The following KCND2 variants were observed in gnomAD, a reference collection of about 807,000 sequenced individuals.
KCND2 encodes the protein A-type voltage-gated potassium channel KCND2.
In KCND2, 16 loss-of-function variants were observed where a neutral mutation model predicts 54.4. The ratio of observed to expected loss-of-function variants is 0.29; its 90% CI spans 0.20 to 0.45. The LOEUF is 0.45. KCND2 is among the 20% of genes least tolerant of loss of function. KCND2 has a pLI of 1.00. For synonymous variants in KCND2, 317 were observed against 310.7 expected (o/e 1.02, Z -0.21); for missense variants, 486 against 824.2 (o/e 0.59, Z 5.02).
At chr7:120,675,776 A>G (rs561919570) in intron 1 of KCND2, among the ~76,000 whole-genome samples, 2 of 151,684 alleles carry the variant, frequency 1.3e-5, no homozygotes, top group African/African-American at 2.4e-5. Flanking sequence ...TTATCATAGT[A>G]TTATAATGAG....
intron 1 of KCND2, among the ~76,000 whole-genome samples, chr7:120,576,611 T>G (rs1398496128): frequency 6.6e-6 from 1 of 152,164 alleles, no homozygotes; most frequent in Non-Finnish European, 1.5e-5. Context: ...CTAACCAAAA[T>G]TGAGTACTAT....
intron 1 of KCND2, among the ~76,000 whole-genome samples, chr7:120,412,311 G>A (rs1801462336): frequency 1.3e-5 from 2 of 151,958 alleles, no homozygotes; most frequent in African/African-American, 4.8e-5. Context: ...TTATGATTGG[G>A]TTATTCTCAA....
intron 1 of KCND2, among the ~76,000 whole-genome samples, chr7:120,441,290 A>G (rs991869742): frequency 3.3e-5 from 5 of 152,104 alleles, no homozygotes; most frequent in African/African-American, 1.2e-4. Context: ...AAACAAGCCT[A>G]TAGGTTATTG....
chr7:120,617,414 A>G (rs1793040116), intron 1 of KCND2, among the ~76,000 whole-genome samples: 1 of 152,242 alleles, frequency 6.6e-6, no homozygotes, highest in Non-Finnish European at 1.5e-5. Context: ...TAATCATTAG[A>G]GAAATGCAAA....
intron 1 of KCND2, among the ~76,000 whole-genome samples, chr7:120,461,100 A>G (rs1222469112): frequency 6.6e-6 from 1 of 152,146 alleles, no homozygotes; most frequent in Non-Finnish European, 1.5e-5. Context: ...TGTGCTGCCT[A>G]TTGTTAAACA....
At chr7:120,617,035 A>G (rs1427886250) in intron 1 of KCND2, among the ~76,000 whole-genome samples, 1 of 152,210 alleles carries the variant, frequency 6.6e-6, no homozygotes, top group African/African-American at 2.4e-5. Context: ...ATCATTGTGT[A>G]TTAACCCCAT....
intron 1 of KCND2, among the ~76,000 whole-genome samples, chr7:120,546,643 G>A (rs1792045507): frequency 6.6e-6 from 1 of 151,590 alleles, no homozygotes; most frequent in Non-Finnish European, 1.5e-5. Context: ...CTATCTCCTG[G>A]GAAACATCTC....
At chr7:120,585,669 A>G (rs1792589136) in intron 1 of KCND2, among the ~76,000 whole-genome samples, 1 of 152,138 alleles carries the variant, frequency 6.6e-6, no homozygotes, top group South Asian at 2.1e-4. Flanking sequence ...AAATAGGTAA[A>G]GAATGAATTC....
chr7:120,630,585 T>C (rs948360751), intron 1 of KCND2, among the ~76,000 whole-genome samples: 2 of 152,100 alleles, frequency 1.3e-5, no homozygotes, highest in African/African-American at 2.4e-5. Context: ...GAAAACATAG[T>C]TAATACAAAT....
intron 1 of KCND2, among the ~76,000 whole-genome samples, chr7:120,411,196 A>G (rs187642417): frequency 2.1e-4 from 32 of 151,918 alleles, no homozygotes; most frequent in African/African-American, 6.5e-4. Context: ...ATCTCTATAC[A>G]TTTCATGTTT....
chr7:120,672,671 A>G (rs751552742), intron 1 of KCND2, among the ~76,000 whole-genome samples: 21 of 152,112 alleles, frequency 1.4e-4, no homozygotes, highest in Non-Finnish European at 2.8e-4. Flanking sequence ...CAGATCTATC[A>G]GCAGATCAGA....
At chr7:120,665,939 A>C (rs1791920887) in intron 1 of KCND2, among the ~76,000 whole-genome samples, 1 of 152,276 alleles carries the variant, frequency 6.6e-6, no homozygotes, top group South Asian at 2.1e-4. Context: ...TTTACAAATA[A>C]CAATGTATTA....
intron 1 of KCND2, among the ~76,000 whole-genome samples, chr7:120,309,470 T>TATATATATATATATATATAC (rs1799700049): frequency 8.0e-6 from 1 of 124,260 alleles, no homozygotes; most frequent in Admixed American, 8.2e-5. Context: ...TATATATATA[T>TATATATATATATATATATAC]ATATACACAC....
At chr7:120,741,905 T>TA (rs141416667) in intron 3 of KCND2, among the ~76,000 whole-genome samples, 2,226 of 151,220 alleles carry the variant, frequency 0.015, 25 homozygotes, top group African/African-American at 0.035. Flanking sequence ...ATGGTAAAGG[T>TA]AAAAAAAAAT....
chr7:120,477,646 AAAAG>A (rs1428199582), intron 1 of KCND2, among the ~76,000 whole-genome samples: 2 of 152,088 alleles, frequency 1.3e-5, no homozygotes, highest in African/African-American at 4.8e-5. Context: ...TGGATGAAAA[AAAAG>A]AAGAGGGGGA....
At chr7:120,376,678 A>T (rs1268312161) in intron 1 of KCND2, among the ~76,000 whole-genome samples, 1 of 151,752 alleles carries the variant, frequency 6.6e-6, no homozygotes, top group Non-Finnish European at 1.5e-5. Context: ...GCCAAAGCTC[A>T]TTGATCCATT....
intron 1 of KCND2, among the ~76,000 whole-genome samples, chr7:120,457,189 C>T (rs1272979479): frequency 1.3e-5 from 2 of 152,148 alleles, no homozygotes; most frequent in African/African-American, 2.4e-5. Flanking sequence ...GCCTCTGGGT[C>T]TGTGAAGGGA....
chr7:120,677,254 A>C (rs1792072794), intron 1 of KCND2, among the ~76,000 whole-genome samples: 1 of 152,188 alleles, frequency 6.6e-6, no homozygotes, highest in African/African-American at 2.4e-5. Flanking sequence ...GAATAAATGG[A>C]AATGCAAAGT....
chr7:120,496,590 G>GT (rs142002767), intron 1 of KCND2, among the ~76,000 whole-genome samples: 43,370 of 151,162 alleles, frequency 0.29, 8,808 homozygotes, highest in African/African-American at 0.56. Context: ...ACGCCTGGCT[G>GT]CTTTTTCGTA....
Sources: gnomAD v4.1 joint callset for allele counts (sites outside exome capture counted in the v4.1 genomes callset) on GRCh38, gnomAD v4.1.1 for gene constraint, MANE v1.5 for transcripts, NCBI Gene and HGNC (gene_info 2026-07-23, HGNC 2026-07-21) for gene names.